The following EPC1 variants were observed in gnomAD, a reference collection of about 807,000 sequenced individuals.
The protein encoded by EPC1 is enhancer of polycomb 1.
In EPC1, 12 loss-of-function variants were observed where a neutral mutation model predicts 98.4. The ratio of observed to expected loss-of-function variants is 0.12; its 90% CI spans 0.08 to 0.20. The LOEUF (loss-of-function observed/expected upper bound fraction) is 0.20, where lower values mean the gene tolerates loss of function less well. Among genes scored for constraint, EPC1 ranks in the 10% least tolerant of loss-of-function variants. The pLI, the probability that EPC1 is intolerant of heterozygous loss-of-function variation, is 1.00. For synonymous variants in EPC1, 357 were observed against 363.9 expected, an observed-to-expected ratio of 0.98 and a Z score of 0.21; for missense variants, 729 against 990.5, an observed-to-expected ratio of 0.74 and a Z score of 3.54.
At chr10:32,301,555 G>A (rs183549988) in intron 2 of EPC1, among the ~76,000 whole-genome samples, 15 of 152,318 alleles carry the variant, frequency 9.8e-5, no homozygotes, top group Admixed American at 2.0e-4. Flanking sequence ...CAATACTCAA[G>A]ACAGCGATAT....
At chr10:32,340,647 T>C (rs1838282087) in intron 1 of EPC1, among the ~76,000 whole-genome samples, 2 of 152,010 alleles carry the variant, frequency 1.3e-5, no homozygotes, top group South Asian at 2.1e-4. Context: ...CCAGGCAACA[T>C]GGTGAATATT....
chr10:32,335,255 T>G (rs1837885968), intron 1 of EPC1, among the ~76,000 whole-genome samples: 1 of 152,164 alleles, frequency 6.6e-6, no homozygotes, highest in African/African-American at 2.4e-5. Context: ...GACATAACAG[T>G]ACCACCCTGG....
At chr10:32,311,828 C>T (rs1407297691) in intron 1 of EPC1, among the ~76,000 whole-genome samples, 1 of 152,162 alleles carries the variant, frequency 6.6e-6, no homozygotes, top group Non-Finnish European at 1.5e-5. Flanking sequence ...TCAAAATATA[C>T]CGCATTCACC....
At chr10:32,329,592 A>G (rs1277163171) in intron 1 of EPC1, among the ~76,000 whole-genome samples, 4 of 152,226 alleles carry the variant, frequency 2.6e-5, no homozygotes, top group African/African-American at 9.6e-5. Context: ...CTCTGCTGGA[A>G]CCATCATTAT....
At chr10:32,369,899 T>TA (rs1315005952) in intron 1 of EPC1, among the ~76,000 whole-genome samples, 1 of 152,152 alleles carries the variant, frequency 6.6e-6, no homozygotes, top group Non-Finnish European at 1.5e-5. Context: ...AAATTCAGTG[T>TA]AAAAAGTTGG....
intron 2 of EPC1, 56 bp downstream of exon 2, chr10:32,305,714 CAA>C: frequency 7.1e-7 from 1 of 1,405,938 alleles, no homozygotes; most frequent in Non-Finnish European, 9.4e-7. Flanking sequence ...AAAAATCTGT[CAA>C]GTTACATAAT....
intron 1 of EPC1, among the ~76,000 whole-genome samples, chr10:32,373,996 TA>T (rs1428872727): frequency 6.6e-6 from 1 of 152,200 alleles, no homozygotes; most frequent in Non-Finnish European, 1.5e-5. Flanking sequence ...AATAATCTGG[TA>T]ACTTTATTCC....
At position 32,291,290 on chromosome 10, in the gene EPC1, A is replaced by G. The variant is rs146492125; in HGVS notation, c.848T>C (p.Met283Thr). 109 of 1,613,808 alleles carry G rather than the reference A, an allele frequency of 6.8e-5. No individual in the cohort carries two copies. Among genetic ancestry groups the G allele is most frequent in the Non-Finnish European group, 8.7e-5 (103 of 1,179,854 alleles). ...YNLGDYNGEIMSEVMAQRQPM... is the reference protein window; with the variant it reads ...YNLGDYNGEITSEVMAQRQPM... ...CTGTCTCTGTGCCATAACCTCAGACATGATCTCTCCATTGTAGTCGCCCAA... is the reference window on the plus strand; with the variant it reads ...CTGTCTCTGTGCCATAACCTCAGACGTGATCTCTCCATTGTAGTCGCCCAA... The change falls in exon 6 of 14, where the codon ATG becomes ACG. Residue 283 changes from methionine (M) to threonine (T), a missense_variant. Met to Thr is a moderately conservative substitution (Grantham distance 81). Transcript: ENST00000319778.
chr10:32,373,613 G>A (rs889585401), intron 1 of EPC1, among the ~76,000 whole-genome samples: 4 of 152,132 alleles, frequency 2.6e-5, no homozygotes, highest in African/African-American at 4.8e-5. Context: ...GAAACACTGT[G>A]CTATGGGGCT....
intron 6 of EPC1, among the ~76,000 whole-genome samples, chr10:32,288,929 A>G (rs1836845296): frequency 6.6e-6 from 1 of 151,982 alleles, no homozygotes; most frequent in Non-Finnish European, 1.5e-5. Context: ...CTCTACTAAA[A>G]ATACAAAAAA....
In EPC1 at chr10:32,311,230, A is replaced by G. The variant is rs554165244; in HGVS notation, c.154-5299T>C. Reference sequence around the variant, plus strand: ...AGGGAGGCTGAGGCAGGAGAATGGCATGAACCCAGGAGGCGGAACTTGCAG... The same window carrying G: ...AGGGAGGCTGAGGCAGGAGAATGGCGTGAACCCAGGAGGCGGAACTTGCAG... On this transcript the variant is annotated intron_variant, in intron 1 of 13. Transcript: ENST00000319778. 2.4e-3 allele frequency among the ~76,000 whole-genome samples: 366 copies of G among 151,880 alleles called. 4 individuals carry two copies. Among genetic ancestry groups the G allele is most frequent in the African/African-American group, 6.2e-3 (255 of 41,428 alleles).
At chr10:32,347,330 C>A, upstream of EPC1, 1 of 433,096 alleles carries the variant, frequency 2.3e-6, no homozygotes, top group Non-Finnish European at 3.2e-6. Context: ...TCCGGGCCCC[C>A]GCCCTTCGCG....
At chr10:32,357,851 A>ATTT (rs58968767) in intron 1 of EPC1, among the ~76,000 whole-genome samples, 46 of 124,556 alleles carry the variant, frequency 3.7e-4, no homozygotes, top group African/African-American at 9.8e-4. Context: ...TTCTCAATAA[A>ATTT]TTTTTTTTTT....
intron 1 of EPC1, among the ~76,000 whole-genome samples, chr10:32,316,239 T>A (rs988120873): frequency 2.0e-5 from 3 of 152,182 alleles, no homozygotes. Flanking sequence ...AGAACTCTCA[T>A]ACATGGTTAG....
intron 1 of EPC1, among the ~76,000 whole-genome samples, chr10:32,311,221 G>A (rs757268924): frequency 1.3e-5 from 2 of 151,924 alleles, no homozygotes; most frequent in African/African-American, 2.4e-5. Context: ...GCTGAGGCAG[G>A]AGAATGGCAT....
intron 10 of EPC1, among the ~76,000 whole-genome samples, chr10:32,278,544 T>G (rs3006616): frequency 0.85 from 123,753 of 145,566 alleles, 52,720 homozygotes; most frequent in East Asian, 0.96. Flanking sequence ...ACTACGCCCG[T>G]CTAATTTTTT....
At chr10:32,366,699 C>G (rs1212754925) in intron 1 of EPC1, among the ~76,000 whole-genome samples, 2 of 151,806 alleles carry the variant, frequency 1.3e-5, no homozygotes, top group African/African-American at 4.8e-5. Context: ...AATGACAGAA[C>G]AAAAAGCAGC....
intron 1 of EPC1, among the ~76,000 whole-genome samples, chr10:32,341,312 C>T (rs546006991): frequency 7.8e-4 from 93 of 118,656 alleles, no homozygotes; most frequent in African/African-American, 2.7e-3. Flanking sequence ...AACATGGACA[C>T]ATGTCTGTGT....
intron 1 of EPC1, among the ~76,000 whole-genome samples, chr10:32,368,465 C>T (rs77866511): frequency 6.6e-6 from 1 of 152,344 alleles, no homozygotes; most frequent in Admixed American, 6.5e-5. Flanking sequence ...CAATCTTTAT[C>T]TGCTGAAAGT....
Sources: allele counts gnomAD v4.1 joint callset (sites outside exome capture counted in the v4.1 genomes callset), GRCh38; gene constraint gnomAD v4.1.1; transcripts MANE v1.5; gene names NCBI Gene and HGNC (gene_info 2026-07-23, HGNC 2026-07-21).